SPOCK1: variants seen among roughly 807,000 people sequenced by gnomAD.
SPOCK1 encodes testican-1.
SPOCK1 carries 23 observed loss-of-function variants against 55.3 expected under a neutral mutation model. The observed-to-expected ratio is 0.42, with a 90% CI of 0.30 to 0.59. The LOEUF is 0.59. SPOCK1 is among the 20% of genes least tolerant of loss of function. SPOCK1 has a pLI of 0.22. For missense variants in SPOCK1, 499 were observed against 552.5 expected, an observed-to-expected ratio of 0.90 and a Z score of 0.97; for synonymous variants, 226 against 221.0, an observed-to-expected ratio of 1.02 and a Z score of -0.20.
At chr5:137,405,681 C>A (rs1207835079) in intron 2 of SPOCK1, among the ~76,000 whole-genome samples, 1 of 152,208 alleles carries the variant, frequency 6.6e-6, no homozygotes, top group African/African-American at 2.4e-5. Context: ...CCACCGACAA[C>A]ATCGAAATTG....
intron 2 of SPOCK1, among the ~76,000 whole-genome samples, chr5:137,402,946 C>T (rs1451499209): frequency 1.3e-5 from 2 of 152,154 alleles, no homozygotes; most frequent in East Asian, 3.8e-4. Context: ...TGAGAAACCT[C>T]AGAGAATTCT....
rs149473553 is a variant in SPOCK1, at chr5:137,349,733, T to C, written c.187-82678A>G. On this transcript the variant is annotated intron_variant, in intron 2 of 10. Coordinates refer to ENST00000394945, the MANE Select transcript of SPOCK1 (RefSeq NM_004598.4). ...TGCATCACCTTGATCTCTGCCTTCA[T>C]CTTCACATGGTGTTCTCTCTGTGTC... Among the ~76,000 whole-genome samples, 321 of 152,312 alleles carry C rather than the reference T, an allele frequency of 2.1e-3. No homozygotes were observed. In the Middle Eastern group the frequency reaches 0.037, roughly 18 times the overall value.
At chr5:137,140,511 C>G (rs771298566) in intron 4 of SPOCK1, 69 bp downstream of exon 4, 44 of 1,348,674 alleles carry the variant, frequency 3.3e-5, no homozygotes, top group Non-Finnish European at 4.4e-5. Flanking sequence ...ACGTCAAAGA[C>G]TGGAAACCCT....
At chr5:137,052,870 T>C (rs1326138658) in intron 6 of SPOCK1, among the ~76,000 whole-genome samples, 2 of 152,150 alleles carry the variant, frequency 1.3e-5, no homozygotes, top group Non-Finnish European at 2.9e-5. Flanking sequence ...ATAATAAATA[T>C]GTATAACTCC....
At chr5:137,250,992 T>G (rs2127106089) in intron 3 of SPOCK1, among the ~76,000 whole-genome samples, 1 of 152,282 alleles carries the variant, frequency 6.6e-6, no homozygotes, top group Middle Eastern at 3.4e-3. Context: ...AGTCTCAGCT[T>G]CTTTCCACCT....
At chr5:137,185,223 G>A (rs1210724337) in intron 3 of SPOCK1, among the ~76,000 whole-genome samples, 8 of 152,282 alleles carry the variant, frequency 5.3e-5, no homozygotes, top group Admixed American at 3.3e-4. Flanking sequence ...ATCCTGGGTG[G>A]CCAGAGACTT....
At chr5:137,394,539 C>T (rs1751800277) in intron 2 of SPOCK1, among the ~76,000 whole-genome samples, 1 of 152,196 alleles carries the variant, frequency 6.6e-6, no homozygotes, top group Non-Finnish European at 1.5e-5. Context: ...TAGCCTTCAT[C>T]AGCATTAGTG....
intron 2 of SPOCK1, among the ~76,000 whole-genome samples, chr5:137,428,414 A>C (rs2149828089): frequency 6.6e-6 from 1 of 152,316 alleles, no homozygotes; most frequent in South Asian, 2.1e-4. Flanking sequence ...CGAGATGGCC[A>C]TGGGAGAGCC....
At chr5:137,107,688 C>T (rs187871458) in intron 5 of SPOCK1, among the ~76,000 whole-genome samples, 1 of 152,268 alleles carries the variant, frequency 6.6e-6, no homozygotes, top group Admixed American at 6.5e-5. Context: ...CTCCACAATG[C>T]ATCCACCACT....
intron 2 of SPOCK1, among the ~76,000 whole-genome samples, chr5:137,371,391 T>C (rs1164184301): frequency 6.6e-6 from 1 of 152,224 alleles, no homozygotes; most frequent in Non-Finnish European, 1.5e-5. Flanking sequence ...TGGTAAGCAC[T>C]TCCCAAAGGT....
In SPOCK1 at chr5:137,267,074, G is replaced by T; in HGVS notation, c.187-19C>A. On this transcript the variant is annotated intron_variant, in intron 2 of 10. Coordinates refer to ENST00000394945, the MANE Select transcript of SPOCK1 (RefSeq NM_004598.4). The stretch of plus-strand genomic sequence containing the variant: ...AATCATCCTATATAAGGAAAAAATA[G>T]AAAACAAAGGTCAGAGTTCAAAAAG... The T allele has an allele frequency of 6.2e-7, 1 of 1,607,206 alleles. No individual in the cohort carries two copies. The highest frequency in any genetic ancestry group is 8.5e-7 in the Non-Finnish European group (1 of 1,174,502).
intron 3 of SPOCK1, among the ~76,000 whole-genome samples, chr5:137,182,835 T>G (rs963384682): frequency 6.6e-6 from 1 of 152,178 alleles, no homozygotes; most frequent in African/African-American, 2.4e-5. Context: ...TCTCCTCCCC[T>G]CTAGACCCAC....
At chr5:137,165,955 C>A (rs1295390685) in intron 3 of SPOCK1, among the ~76,000 whole-genome samples, 1 of 151,966 alleles carries the variant, frequency 6.6e-6, no homozygotes, top group African/African-American at 2.4e-5. Flanking sequence ...GAGTTATTGG[C>A]CTTAAAGAGG....
intron 5 of SPOCK1, among the ~76,000 whole-genome samples, chr5:137,096,374 A>T (rs1753147560): frequency 6.6e-6 from 1 of 151,988 alleles, no homozygotes; most frequent in Non-Finnish European, 1.5e-5. Flanking sequence ...AGATGGTACC[A>T]TGCAGAGAGG....
At chr5:137,139,869 G>T (rs999563630) in intron 4 of SPOCK1, among the ~76,000 whole-genome samples, 8 of 152,204 alleles carry the variant, frequency 5.3e-5, no homozygotes, top group Admixed American at 1.3e-4. Context: ...CAGGACCAAA[G>T]GCAGAAGCAG....
chr5:137,489,399 T>C (rs1372150126), intron 2 of SPOCK1, among the ~76,000 whole-genome samples: 1 of 152,184 alleles, frequency 6.6e-6, no homozygotes, highest in Non-Finnish European at 1.5e-5. Context: ...AGAAACACTA[T>C]GATCCTCTTA....
At chr5:137,142,496 T>A (rs551207396) in intron 3 of SPOCK1, among the ~76,000 whole-genome samples, 5 of 152,296 alleles carry the variant, frequency 3.3e-5, no homozygotes, top group African/African-American at 1.2e-4. Context: ...CTCAGGCCCA[T>A]CTGGAAAGTA....
At chr5:137,466,271 G>C (rs766775263) in intron 2 of SPOCK1, among the ~76,000 whole-genome samples, 11 of 152,184 alleles carry the variant, frequency 7.2e-5, no homozygotes, top group Non-Finnish European at 1.5e-4. Flanking sequence ...TTTCTTCCTG[G>C]GTTTCCACAC....
At chr5:137,232,235 T>A (rs973931793) in intron 3 of SPOCK1, among the ~76,000 whole-genome samples, 6 of 152,188 alleles carry the variant, frequency 3.9e-5, no homozygotes, top group African/African-American at 1.4e-4. Context: ...ATGAATCAGG[T>A]TTTTGGTGTC....
Sources: allele counts gnomAD v4.1 joint callset (sites outside exome capture counted in the v4.1 genomes callset), GRCh38; gene constraint gnomAD v4.1.1; transcripts MANE v1.5; gene names NCBI Gene and HGNC (gene_info 2026-07-23, HGNC 2026-07-21).